The following CDKAL1 variants were observed in gnomAD, a reference collection of about 807,000 sequenced individuals.
CDKAL1 encodes the protein CDKAL1 threonylcarbamoyladenosine tRNA methylthiotransferase, also known as threonylcarbamoyladenosine tRNA methylthiotransferase.
In CDKAL1, 32 loss-of-function variants were observed where a neutral mutation model predicts 68.2. That is an observed-to-expected ratio of 0.47 (90% CI 0.35 to 0.63). The LOEUF is 0.63. Among genes scored for constraint, CDKAL1 ranks in the 30% least tolerant of loss-of-function variants. CDKAL1 has a pLI of 0.00. For synonymous variants in CDKAL1, 234 were observed against 244.3 expected, an observed-to-expected ratio of 0.96 and a Z score of 0.39; for missense variants, 606 against 696.7, an observed-to-expected ratio of 0.87 and a Z score of 1.47.
rs546461847 is a variant in CDKAL1, at chr6:21,205,935, C to T, written c.1548+4661C>T. ...CCACAAGCTCCGCCTCCCGGGTTCA[C>T]GCCATTCTCCTGCCTCAACCTCCCG... On this transcript the variant is annotated intron_variant, in intron 15 of 15. Coordinates refer to ENST00000274695, the MANE Select transcript of CDKAL1 (RefSeq NM_017774.3). 1.1e-4 allele frequency among the ~76,000 whole-genome samples: 17 copies of T among 149,204 alleles called. No individual in the cohort carries two copies. In the East Asian group the frequency reaches 1.6e-3, roughly 14 times the overall value.
chr6:20,951,911 A>G (rs1764541305), intron 9 of CDKAL1, among the ~76,000 whole-genome samples: 1 of 148,614 alleles, frequency 6.7e-6, no homozygotes, highest in African/African-American at 2.5e-5. Flanking sequence ...ATGGGCATTC[A>G]CTTCTCTTAT....
chr6:20,963,209 C>G (rs1001380765), intron 10 of CDKAL1, among the ~76,000 whole-genome samples: 1 of 152,054 alleles, frequency 6.6e-6, no homozygotes, highest in Admixed American at 6.5e-5. Flanking sequence ...ATGCTACTTC[C>G]CCTTAGCAAA....
intron 5 of CDKAL1, among the ~76,000 whole-genome samples, chr6:20,679,073 T>C (rs1013159545): frequency 6.6e-6 from 1 of 152,166 alleles, no homozygotes; most frequent in African/African-American, 2.4e-5. Context: ...CATGGCTAGA[T>C]TTATTTATTG....
chr6:20,936,409 C>G (rs1479505680), intron 9 of CDKAL1, among the ~76,000 whole-genome samples: 1 of 150,748 alleles, frequency 6.6e-6, no homozygotes, highest in South Asian at 2.1e-4. Context: ...CGCCACTACG[C>G]CCGGCTAATT....
chr6:21,053,980 A>G (rs565034016), intron 11 of CDKAL1, among the ~76,000 whole-genome samples: 1 of 152,142 alleles, frequency 6.6e-6, no homozygotes, highest in Non-Finnish European at 1.5e-5. Flanking sequence ...TTTTACTTTT[A>G]CGGATTGTGC....
intron 11 of CDKAL1, among the ~76,000 whole-genome samples, chr6:21,056,857 G>A (rs973899086): frequency 1.3e-5 from 2 of 152,110 alleles, no homozygotes; most frequent in South Asian, 2.1e-4. Context: ...CCAGCCTTGC[G>A]TCCAGGGATA....
chr6:20,783,420 A>G (rs951744420), intron 8 of CDKAL1, among the ~76,000 whole-genome samples: 1 of 152,046 alleles, frequency 6.6e-6, no homozygotes, highest in African/African-American at 2.4e-5. Flanking sequence ...TCTAGTCCCT[A>G]TGTTCTTCTT....
At chr6:20,824,190 A>G (rs9465909) in intron 8 of CDKAL1, among the ~76,000 whole-genome samples, 47,070 of 152,014 alleles carry the variant, frequency 0.31, 7,602 homozygotes, top group East Asian at 0.53. Flanking sequence ...TTAAAAGGAT[A>G]TGAAGCCTCT....
chr6:21,229,730 G>A (rs1779884680), intron 15 of CDKAL1, among the ~76,000 whole-genome samples: 1 of 152,082 alleles, frequency 6.6e-6, no homozygotes, highest in Admixed American at 6.5e-5. Context: ...CTCTCAAAAT[G>A]TTATTCAGGT....
chr6:20,938,799 T>G (rs1763843753), intron 9 of CDKAL1, among the ~76,000 whole-genome samples: 1 of 152,180 alleles, frequency 6.6e-6, no homozygotes, highest in Admixed American at 6.5e-5. Context: ...ATAGGTATTT[T>G]CTGATTGTGT....
At chr6:20,734,763 A>C (rs13217519) in intron 5 of CDKAL1, among the ~76,000 whole-genome samples, 1 of 151,932 alleles carries the variant, frequency 6.6e-6, no homozygotes, top group African/African-American at 2.4e-5. Context: ...GTAATTCCAC[A>C]TCATTGCCCA....
chr6:21,176,750 A>G (rs2151081543), intron 13 of CDKAL1, among the ~76,000 whole-genome samples: 1 of 133,996 alleles, frequency 7.5e-6, no homozygotes, highest in Non-Finnish European at 1.5e-5. Flanking sequence ...GCTGGAGTGC[A>G]GTGGCACGAT....
intron 2 of CDKAL1, among the ~76,000 whole-genome samples, chr6:20,543,034 A>G (rs996652892): frequency 6.6e-6 from 1 of 152,202 alleles, no homozygotes; most frequent in Admixed American, 6.5e-5. Flanking sequence ...GTTCCATGGT[A>G]TGGATGTACC....
intron 8 of CDKAL1, among the ~76,000 whole-genome samples, chr6:20,783,251 T>G (rs903208229): frequency 6.6e-6 from 1 of 152,172 alleles, no homozygotes; most frequent in African/African-American, 2.4e-5. Context: ...GTTTTGTGTG[T>G]GTGTTTATGC....
intron 13 of CDKAL1, among the ~76,000 whole-genome samples, chr6:21,128,805 T>C (rs1315378827): frequency 6.6e-6 from 1 of 152,242 alleles, no homozygotes; most frequent in Non-Finnish European, 1.5e-5. Context: ...ACAACCTTGC[T>C]TAGGGCAAAT....
intron 13 of CDKAL1, among the ~76,000 whole-genome samples, chr6:21,109,017 TA>T (rs144399808): frequency 3.3e-5 from 5 of 152,350 alleles, no homozygotes; most frequent in Admixed American, 2.0e-4. Context: ...CTGTGTCATT[TA>T]TACCCTACCT....
At chr6:21,010,512 G>C (rs1045479925) in intron 11 of CDKAL1, among the ~76,000 whole-genome samples, 7 of 152,108 alleles carry the variant, frequency 4.6e-5, no homozygotes, top group Non-Finnish European at 7.4e-5. Flanking sequence ...AAGAGTCAAT[G>C]ATGGGTCACT....
intron 10 of CDKAL1, among the ~76,000 whole-genome samples, chr6:20,985,688 A>G (rs992868950): frequency 3.3e-5 from 5 of 152,268 alleles, no homozygotes; most frequent in Middle Eastern, 3.4e-3. Context: ...GAGAGGCTGA[A>G]GCGGGAGGAT....
rs1778542048 is a variant in CDKAL1 at position 21,198,104 on chromosome 6, G to C, written c.1383G>C (p.Gln461His). 6.3e-7 allele frequency: 1 copy of C among 1,585,106 alleles called. No individual in the cohort carries two copies. Among genetic ancestry groups the C allele is most frequent in the Non-Finnish European group, 8.6e-7 (1 of 1,162,868 alleles). Residue 461 changes from glutamine to histidine, a missense_variant and splice_region_variant, in exon 14 of 16, where the codon CAG becomes CAC. Physicochemically the swap from Gln to His is conservative, Grantham distance 24 (BLOSUM62 0). Coordinates refer to ENST00000274695, the MANE Select transcript of CDKAL1 (RefSeq NM_017774.3). ...TTGCACACAATCAATTCTATGAGCA[G>C]GTAAGAGGCACTTCAGTATTCTTGA... is the stretch of plus-strand genomic sequence containing the variant. ...FYVAHNQFYE[Q>H]VLVPKNPAFM...
Sources: gnomAD v4.1 joint callset for allele counts (sites outside exome capture counted in the v4.1 genomes callset) on GRCh38, gnomAD v4.1.1 for gene constraint, MANE v1.5 for transcripts, NCBI Gene and HGNC (gene_info 2026-07-23, HGNC 2026-07-21) for gene names.